Variants in GABRG3 observed in about 807,000 individuals in gnomAD.
The protein encoded by GABRG3 is gamma-aminobutyric acid receptor subunit gamma-3.
In GABRG3, 25 loss-of-function variants were observed where a neutral mutation model predicts 48.8. The ratio of observed to expected loss-of-function variants is 0.51; its 90% CI spans 0.37 to 0.72. The LOEUF is 0.72. Ranked by LOEUF, GABRG3 falls within the 30% of genes least tolerant of loss-of-function variation. The pLI is 0.00. For missense variants in GABRG3, 394 were observed against 577.9 expected (o/e 0.68, Z 3.26); for synonymous variants, 227 against 217.6 (o/e 1.04, Z -0.38).
At chr15:27,354,197 T>C (rs1480003942) in intron 5 of GABRG3, among the ~76,000 whole-genome samples, 1 of 152,176 alleles carries the variant, frequency 6.6e-6, no homozygotes, top group South Asian at 2.1e-4. Context: ...CAAGCCCAGG[T>C]AGCATGGTGA....
In GABRG3 at chr15:27,541,363, G is replaced by A. The variant is rs1891658150; in HGVS notation, c.*8482G>A. The stretch of plus-strand genomic sequence containing the variant: ...GTCAGGCTTGAAGCAGCCGGGGTGT[G>A]GGCAGGGTCCTCTCTCTGTGAAGCC... On this transcript the variant is annotated 3_prime_UTR_variant, in exon 10 of 10. Coordinates refer to ENST00000615808, the MANE Select transcript of GABRG3 (RefSeq NM_033223.5). 1 of 152,522 alleles carries A rather than the reference G, an allele frequency of 6.6e-6. No homozygotes were observed. The highest frequency in any genetic ancestry group is 2.4e-5 in the African/African-American group (1 of 41,440). The allele number at this position is 152,522 out of a possible 1,614,324, so 9.4% of individuals were successfully genotyped here.
At chr15:27,138,769 C>T (rs899704704) in intron 3 of GABRG3, among the ~76,000 whole-genome samples, 6 of 152,182 alleles carry the variant, frequency 3.9e-5, no homozygotes, top group African/African-American at 1.4e-4. Context: ...TTGGTTTTGC[C>T]TGTTGTGAGT....
intron 5 of GABRG3, among the ~76,000 whole-genome samples, chr15:27,376,885 T>C (rs1277797775): frequency 1.3e-5 from 2 of 152,224 alleles, no homozygotes; most frequent in African/African-American, 4.8e-5. Flanking sequence ...GTTGAATTTC[T>C]CCTCAGAAAA....
intron 2 of GABRG3, among the ~76,000 whole-genome samples, chr15:27,023,223 G>C (rs367918400): frequency 6.6e-6 from 1 of 151,992 alleles, no homozygotes; most frequent in Non-Finnish European, 1.5e-5. Flanking sequence ...TCAGAAAATT[G>C]CTCCCCACCA....
rs545444925 is a variant in GABRG3 at position 27,041,456 on chromosome 15, C to T, written c.270+14635C>T. On this transcript the variant is annotated intron_variant, in intron 3 of 9. Transcript: ENST00000615808. ...TTGGCCTCTCAAAGTGCTGGGATTA[C>T]AGGTGTGAGCCACCACGCCCAGCCA... is the stretch of plus-strand genomic sequence containing the variant. Among the ~76,000 whole-genome samples the T allele has an allele frequency of 1.3e-4, 20 of 152,308 alleles. No homozygotes were observed. In the South Asian group the frequency reaches 3.1e-3, roughly 24 times the overall value.
intron 2 of GABRG3, among the ~76,000 whole-genome samples, chr15:27,005,496 C>T (rs1254662319): frequency 6.6e-6 from 1 of 152,112 alleles, no homozygotes; most frequent in Non-Finnish European, 1.5e-5. Flanking sequence ...GAGTCAATTA[C>T]TATATAGGAA....
chr15:27,449,879 A>G (rs1307854710), intron 5 of GABRG3, among the ~76,000 whole-genome samples: 3 of 152,248 alleles, frequency 2.0e-5, no homozygotes, highest in Admixed American at 1.3e-4. Context: ...GCACTCTCTC[A>G]GTAGAAAATG....
chr15:27,211,442 G>A (rs536805993), intron 3 of GABRG3, among the ~76,000 whole-genome samples: 2 of 152,152 alleles, frequency 1.3e-5, no homozygotes, highest in Non-Finnish European at 2.9e-5. Flanking sequence ...ATACACTTTA[G>A]AGTAACTGAA....
chr15:27,500,967 T>TTG (rs1473281135), intron 6 of GABRG3, among the ~76,000 whole-genome samples: 1 of 150,252 alleles, frequency 6.7e-6, no homozygotes, highest in Non-Finnish European at 1.5e-5. Context: ...TTTTTTTTTT[T>TTG]TTTGAGACGG....
At chr15:27,003,732 G>T (rs1441907277) in intron 2 of GABRG3, among the ~76,000 whole-genome samples, 1 of 152,038 alleles carries the variant, frequency 6.6e-6, no homozygotes, top group Non-Finnish European at 1.5e-5. Context: ...TCAATGAGCT[G>T]TTGGGTACAC....
intron 3 of GABRG3, among the ~76,000 whole-genome samples, chr15:27,063,245 G>T (rs1896681787): frequency 6.6e-6 from 1 of 152,226 alleles, no homozygotes; most frequent in Non-Finnish European, 1.5e-5. Context: ...ACACACAGGA[G>T]TGTCTTCGGG....
chr15:27,197,815 C>T (rs1888544277), intron 3 of GABRG3, among the ~76,000 whole-genome samples: 1 of 152,086 alleles, frequency 6.6e-6, no homozygotes. Flanking sequence ...AGGGAGTAGA[C>T]TTCTTCCTGG....
intron 7 of GABRG3, among the ~76,000 whole-genome samples, chr15:27,523,524 A>C: frequency 6.6e-6 from 1 of 151,888 alleles, no homozygotes; most frequent in East Asian, 1.9e-4. Context: ...ATCAAAAAGA[A>C]AATGCCAAAA....
At chr15:27,294,820 C>T (rs529399136) in intron 3 of GABRG3, 1 of 152,114 alleles carries the variant, frequency 6.6e-6, no homozygotes, top group Non-Finnish European at 1.5e-5. Flanking sequence ...TTTCAGAAAC[C>T]AGTCCCAATT....
At chr15:27,300,711 A>G (rs1051090228) in intron 3 of GABRG3, among the ~76,000 whole-genome samples, 3 of 149,556 alleles carry the variant, frequency 2.0e-5, no homozygotes, top group African/African-American at 7.4e-5. Context: ...CTGGATTATT[A>G]TTTCAACAAA....
chr15:27,394,777 T>G (rs1887250247), intron 5 of GABRG3, among the ~76,000 whole-genome samples: 1 of 152,196 alleles, frequency 6.6e-6, no homozygotes, highest in African/African-American at 2.4e-5. Context: ...TATCATCCCA[T>G]TGCCTTTTGA....
At chr15:27,290,991 GA>G (rs947131335) in intron 3 of GABRG3, among the ~76,000 whole-genome samples, 53 of 152,202 alleles carry the variant, frequency 3.5e-4, no homozygotes, top group African/African-American at 1.3e-3. Flanking sequence ...TTAATATTAA[GA>G]AAATAAATAA....
chr15:27,131,625 AT>A (rs1272173424), intron 3 of GABRG3, among the ~76,000 whole-genome samples: 2 of 151,902 alleles, frequency 1.3e-5, no homozygotes, highest in Admixed American at 6.6e-5. Context: ...TTCTTCTTTA[AT>A]TTTTTTTAAA....
chr15:27,505,132 A>G (rs1032768704), intron 6 of GABRG3, among the ~76,000 whole-genome samples: 2 of 152,138 alleles, frequency 1.3e-5, no homozygotes, highest in East Asian at 1.9e-4. Context: ...CAAATCTATG[A>G]TAATTTGTTT....
Sources: gnomAD v4.1 joint callset for allele counts (sites outside exome capture counted in the v4.1 genomes callset) on GRCh38, gnomAD v4.1.1 for gene constraint, MANE v1.5 for transcripts, NCBI Gene and HGNC (gene_info 2026-07-23, HGNC 2026-07-21) for gene names.